The following DLGAP1 variants were observed in gnomAD, a reference collection of about 807,000 sequenced individuals.
The protein encoded by DLGAP1 is disks large-associated protein 1.
DLGAP1 carries 11 observed loss-of-function variants against 90.8 expected under a neutral mutation model. The observed-to-expected ratio is 0.12, with a 90% CI of 0.08 to 0.20. The LOEUF (loss-of-function observed/expected upper bound fraction) is 0.20, where lower values mean the gene tolerates loss of function less well. Ranked by LOEUF, DLGAP1 falls within the 10% of genes least tolerant of loss-of-function variation. DLGAP1 has a pLI of 1.00. For missense variants in DLGAP1, 1,050 were observed against 1,333.8 expected, an observed-to-expected ratio of 0.79 and a Z score of 3.31; for synonymous variants, 558 against 540.7, an observed-to-expected ratio of 1.03 and a Z score of -0.44.
chr18:4,045,173 C>A (rs1203756518), intron 2 of DLGAP1, among the ~76,000 whole-genome samples: 1 of 152,040 alleles, frequency 6.6e-6, no homozygotes, highest in African/African-American at 2.4e-5. Flanking sequence ...ACTAACTTAA[C>A]TGCCCTGCAC....
intron 2 of DLGAP1, among the ~76,000 whole-genome samples, chr18:4,143,294 G>A (rs2076526470): frequency 6.6e-6 from 1 of 151,956 alleles, no homozygotes; most frequent in African/African-American, 2.4e-5. Context: ...TCAACCTGAT[G>A]CCCTATTGTA....
chr18:3,669,775 G>C (rs1051937605), intron 7 of DLGAP1, among the ~76,000 whole-genome samples: 1 of 152,136 alleles, frequency 6.6e-6, no homozygotes, highest in Non-Finnish European at 1.5e-5. Flanking sequence ...CAGTTCTTCC[G>C]GTGCACCAAG....
intron 1 of DLGAP1, among the ~76,000 whole-genome samples, chr18:4,208,204 G>C (rs899853581): frequency 1.3e-5 from 2 of 152,128 alleles, no homozygotes; most frequent in African/African-American, 4.8e-5. Context: ...CTCCACCTTA[G>C]GAGCAGGTTG....
intron 2 of DLGAP1, among the ~76,000 whole-genome samples, chr18:4,080,114 G>C (rs1219063297): frequency 6.6e-6 from 1 of 152,070 alleles, no homozygotes; most frequent in East Asian, 1.9e-4. Flanking sequence ...TATTTACCAA[G>C]AATATGAAGT....
At chr18:4,158,493 C>G (rs1414331309) in intron 1 of DLGAP1, among the ~76,000 whole-genome samples, 1 of 152,142 alleles carries the variant, frequency 6.6e-6, no homozygotes, top group Non-Finnish European at 1.5e-5. Context: ...AACTGGCACA[C>G]AACTAGCATT....
chr18:3,814,987 A>G (rs1360912447), intron 4 of DLGAP1, among the ~76,000 whole-genome samples: 1 of 152,220 alleles, frequency 6.6e-6, no homozygotes, highest in African/African-American at 2.4e-5. Context: ...AGTCTTTAAC[A>G]TGACTCATGT....
chr18:3,933,316 A>G (rs148446263), intron 3 of DLGAP1, among the ~76,000 whole-genome samples: 49 of 152,318 alleles, frequency 3.2e-4, no homozygotes, highest in African/African-American at 1.2e-3. Flanking sequence ...CAGCAAATAC[A>G]TGCAGTGGGC....
chr18:4,283,003 G>T (rs1568489363), intron 1 of DLGAP1, among the ~76,000 whole-genome samples: 1 of 152,126 alleles, frequency 6.6e-6, no homozygotes, highest in Non-Finnish European at 1.5e-5. Flanking sequence ...GGGAAAACTT[G>T]TTTTGACATT....
chr18:4,430,536 GTGTGTC>G (rs2083266557), intron 1 of DLGAP1: 1 of 152,368 alleles, frequency 6.6e-6, no homozygotes, highest in African/African-American at 2.5e-5. Context: ...GTGTGTGTGT[GTGTGTC>G]TGTGATTCAA....
chr18:4,130,699 C>T (rs2076300161), intron 2 of DLGAP1, among the ~76,000 whole-genome samples: 1 of 152,090 alleles, frequency 6.6e-6, no homozygotes, highest in African/African-American at 2.4e-5. Flanking sequence ...ACACGGACCA[C>T]AAGAGAGCGG....
chr18:4,239,825 TC>T (rs1050276884), intron 1 of DLGAP1, among the ~76,000 whole-genome samples: 10 of 152,216 alleles, frequency 6.6e-5, no homozygotes, highest in Admixed American at 3.9e-4. Context: ...ACTACTTTTC[TC>T]AGTGCAGATT....
At chr18:3,902,847 C>A (rs1452414340) in intron 3 of DLGAP1, among the ~76,000 whole-genome samples, 2 of 152,016 alleles carry the variant, frequency 1.3e-5, no homozygotes, top group South Asian at 2.1e-4. Flanking sequence ...TAGGGAGAGT[C>A]TTCCTGGCCT....
chr18:4,006,969 T>C (rs557011027), intron 2 of DLGAP1, among the ~76,000 whole-genome samples: 2 of 152,156 alleles, frequency 1.3e-5, no homozygotes, highest in South Asian at 4.2e-4. Context: ...CAATGCAGTG[T>C]TCTATGAAGT....
At chr18:4,164,396 C>A (rs1001515168) in intron 1 of DLGAP1, among the ~76,000 whole-genome samples, 1 of 152,028 alleles carries the variant, frequency 6.6e-6, no homozygotes, top group South Asian at 2.1e-4. Flanking sequence ...CAGACACTGC[C>A]GGGGCTGGGT....
intron 11 of DLGAP1, among the ~76,000 whole-genome samples, chr18:3,505,248 G>A (rs1289349072): frequency 6.6e-6 from 1 of 152,150 alleles, no homozygotes; most frequent in African/African-American, 2.4e-5. Context: ...TGAATAGACT[G>A]GGATTTGAAT....
In DLGAP1 at chr18:4,404,807, T is replaced by C. The variant is rs141157940; in HGVS notation, c.-267+50199A>G. Among the ~76,000 whole-genome samples, 1,172 of 152,252 alleles carry C rather than the reference T, an allele frequency of 7.7e-3. 17 individuals are homozygous for C. Among genetic ancestry groups the C allele is most frequent in the African/African-American group, 0.027 (1,110 of 41,550 alleles). ...AGAAGACTCTGGCAGGACAGTAAAA[T>C]AGTCCCACATGCTAGACATGGGCTG... On this transcript the variant is annotated intron_variant, in intron 1 of 12. Coordinates refer to ENST00000315677, the MANE Select transcript of DLGAP1 (RefSeq NM_004746.4).
intron 9 of DLGAP1, among the ~76,000 whole-genome samples, chr18:3,555,045 T>TA (rs900203190): frequency 5.3e-4 from 79 of 149,770 alleles, no homozygotes; most frequent in Middle Eastern, 3.4e-3. Flanking sequence ...ACCAGATAAT[T>TA]AAAAAAAAAA....
chr18:3,606,030 T>G (rs746669541), intron 7 of DLGAP1, among the ~76,000 whole-genome samples: 10 of 152,216 alleles, frequency 6.6e-5, no homozygotes, highest in Non-Finnish European at 1.3e-4. Context: ...AAAAAAGGTC[T>G]CGCTGTGGTT....
intron 2 of DLGAP1, among the ~76,000 whole-genome samples, chr18:4,020,102 C>T (rs911277941): frequency 3.3e-5 from 5 of 152,056 alleles, no homozygotes; most frequent in South Asian, 2.1e-4. Context: ...TAGGTTTTAT[C>T]GTGCAGATGA....
Sources: gnomAD v4.1 joint callset for allele counts (sites outside exome capture counted in the v4.1 genomes callset) on GRCh38, gnomAD v4.1.1 for gene constraint, MANE v1.5 for transcripts, NCBI Gene and HGNC (gene_info 2026-07-23, HGNC 2026-07-21) for gene names.